The following DACH1 variants were observed in gnomAD, a reference collection of about 807,000 sequenced individuals.
DACH1 encodes the protein dachshund homolog 1.
In DACH1, 12 loss-of-function variants were observed where a neutral mutation model predicts 54.2. The ratio of observed to expected loss-of-function variants is 0.22; its 90% CI spans 0.14 to 0.36. DACH1 has a LOEUF of 0.36. Ranked by LOEUF, DACH1 falls within the 10% of genes least tolerant of loss-of-function variation. The pLI is 1.00. For synonymous variants in DACH1, 386 were observed against 366.2 expected, an observed-to-expected ratio of 1.05 and a Z score of -0.62; for missense variants, 805 against 929.8, an observed-to-expected ratio of 0.87 and a Z score of 1.75.
intron 1 of DACH1, among the ~76,000 whole-genome samples, chr13:71,836,164 CATCTTG>C (rs1290970323): frequency 6.6e-6 from 1 of 151,650 alleles, no homozygotes; most frequent in African/African-American, 2.4e-5. Flanking sequence ...TTCCTTTCAC[CATCTTG>C]AGAAAAAAGG....
chr13:71,555,147 C>T (rs1407511324), intron 6 of DACH1, among the ~76,000 whole-genome samples: 4 of 152,012 alleles, frequency 2.6e-5, no homozygotes, highest in Non-Finnish European at 5.9e-5. Context: ...CCAAGTTAAA[C>T]TTGGTAAATA....
Position 71,597,914 on chromosome 13 carries a change from C to G in DACH1, c.1127-24902G>C, listed in dbSNP as rs1246287898. On this transcript the variant is annotated intron_variant, in intron 3 of 10. Coordinates refer to ENST00000613252, the MANE Select transcript of DACH1 (RefSeq NM_080759.6). ...GGCATATCGCTTGAGCCCAGGAGTTCCAGAGTAGCCTGGGCAACATGGTGA... is the reference window on the plus strand; with the variant it reads ...GGCATATCGCTTGAGCCCAGGAGTTGCAGAGTAGCCTGGGCAACATGGTGA... Among the ~76,000 whole-genome samples, 7 of 151,888 alleles carry G rather than the reference C, an allele frequency of 4.6e-5. 1 individual carries two copies. The highest frequency in any genetic ancestry group is 1.4e-4 in the African/African-American group (6 of 41,436).
chr13:71,441,211 T>C lies in DACH1; in HGVS notation c.2084-519A>G, dbSNP rs117944895. Among the ~76,000 whole-genome samples, 680 of 152,172 alleles carry C rather than the reference T, an allele frequency of 4.5e-3. 4 individuals carry two copies. The highest frequency in any genetic ancestry group is 7.6e-3 in the Non-Finnish European group (516 of 67,910). On this transcript the variant is annotated intron_variant, in intron 10 of 10. Coordinates refer to ENST00000613252, the MANE Select transcript of DACH1 (RefSeq NM_080759.6). Reference sequence around the variant, plus strand: ...TTATTTCATCACTGTCAATGAACTATAGCCTTTACCCCTTGAAGTGAGATT... The same window carrying C: ...TTATTTCATCACTGTCAATGAACTACAGCCTTTACCCCTTGAAGTGAGATT...
At chr13:71,477,032 A>T (rs1877583163) in intron 8 of DACH1, among the ~76,000 whole-genome samples, 1 of 144,872 alleles carries the variant, frequency 6.9e-6, no homozygotes, top group Admixed American at 7.0e-5. Context: ...TAACGACTCA[A>T]GTATTTTAGT....
At chr13:71,565,761 A>G (rs1884859255) in intron 4 of DACH1, among the ~76,000 whole-genome samples, 1 of 152,188 alleles carries the variant, frequency 6.6e-6, no homozygotes. Context: ...ACAACTTAAT[A>G]TAATCTGAAA....
chr13:71,551,117 A>T lies in DACH1; in HGVS notation c.1570+5907T>A, dbSNP rs1003277677. Among the ~76,000 whole-genome samples the T allele has an allele frequency of 5.3e-5, 8 of 152,208 alleles. No individual in the cohort carries two copies. In the East Asian group the frequency reaches 1.4e-3, roughly 26 times the overall value. ...GTAATATTTAGTATTGATTAATTTG[A>T]ATAAGATCTATTTAGAATTTAAAAG... On this transcript the variant is annotated intron_variant, in intron 6 of 10. Transcript: ENST00000613252.
intron 1 of DACH1, among the ~76,000 whole-genome samples, chr13:71,809,145 T>C (rs999518764): frequency 5.3e-5 from 8 of 152,180 alleles, no homozygotes; most frequent in Admixed American, 6.5e-5. Context: ...AAATCTTTCA[T>C]GTGAAAAGGT....
chr13:71,465,252 G>A (rs1852755578), intron 10 of DACH1, among the ~76,000 whole-genome samples: 1 of 151,910 alleles, frequency 6.6e-6, no homozygotes, highest in Non-Finnish European at 1.5e-5. Flanking sequence ...CCATGCATTT[G>A]TATACCAATT....
At chr13:71,454,201 A>G (rs1283491573) in intron 10 of DACH1, among the ~76,000 whole-genome samples, 1 of 152,184 alleles carries the variant, frequency 6.6e-6, no homozygotes, top group African/African-American at 2.4e-5. Flanking sequence ...TTCAAAGACA[A>G]ACATGGACAT....
intron 1 of DACH1, among the ~76,000 whole-genome samples, chr13:71,823,504 G>A (rs930491897): frequency 3.3e-5 from 5 of 151,872 alleles, no homozygotes; most frequent in Non-Finnish European, 5.9e-5. Flanking sequence ...TTTTATTTCT[G>A]GTATTACAAT....
At chr13:71,451,001 A>C (rs1874989837) in intron 10 of DACH1, among the ~76,000 whole-genome samples, 1 of 152,166 alleles carries the variant, frequency 6.6e-6, no homozygotes, top group African/African-American at 2.4e-5. Flanking sequence ...TGTTCTTAAA[A>C]CTGTATTACC....
intron 4 of DACH1, among the ~76,000 whole-genome samples, chr13:71,567,734 A>G (rs1884976593): frequency 6.6e-6 from 1 of 152,056 alleles, no homozygotes; most frequent in Admixed American, 6.6e-5. Context: ...CACTGGTTGG[A>G]GGTGATAAAG....
chr13:71,678,724 A>G, intron 2 of DACH1, among the ~76,000 whole-genome samples: 1 of 151,542 alleles, frequency 6.6e-6, no homozygotes, highest in East Asian at 1.9e-4. Context: ...TGGTACAATC[A>G]TAGCTCACCA....
intron 7 of DACH1, among the ~76,000 whole-genome samples, chr13:71,487,116 G>T (rs1229511110): frequency 6.6e-6 from 1 of 151,992 alleles, no homozygotes; most frequent in African/African-American, 2.4e-5. Flanking sequence ...CTCCCAAAGC[G>T]CTGGGATTAC....
intron 10 of DACH1, among the ~76,000 whole-genome samples, chr13:71,473,046 A>C (rs1212199209): frequency 6.6e-6 from 1 of 152,174 alleles, no homozygotes; most frequent in South Asian, 2.1e-4. Context: ...CTGCTGGTAA[A>C]ATATCTTTTA....
intron 2 of DACH1, among the ~76,000 whole-genome samples, chr13:71,636,555 T>C (rs1475576443): frequency 6.8e-6 from 1 of 147,016 alleles, no homozygotes; most frequent in Admixed American, 6.8e-5. Context: ...GTAAAAATAA[T>C]AATAATAATA....
intron 3 of DACH1, among the ~76,000 whole-genome samples, chr13:71,573,257 A>G (rs1885325987): frequency 1.3e-5 from 2 of 152,164 alleles, no homozygotes; most frequent in South Asian, 4.1e-4. Flanking sequence ...TATTATTCCT[A>G]TAATCAGTCT....
chr13:71,742,106 G>A (rs1029225195), intron 1 of DACH1, among the ~76,000 whole-genome samples: 1 of 152,160 alleles, frequency 6.6e-6, no homozygotes, highest in Non-Finnish European at 1.5e-5. Flanking sequence ...TTTATCAGGG[G>A]TTTCCGCTTT....
intron 1 of DACH1, among the ~76,000 whole-genome samples, chr13:71,760,175 T>C (rs1164550451): frequency 6.6e-6 from 1 of 152,204 alleles, no homozygotes; most frequent in Non-Finnish European, 1.5e-5. Flanking sequence ...ACTGGAGTTC[T>C]CCTCTCAGTC....
Sources: gnomAD v4.1 joint callset for allele counts (sites outside exome capture counted in the v4.1 genomes callset) on GRCh38, gnomAD v4.1.1 for gene constraint, MANE v1.5 for transcripts, NCBI Gene and HGNC (gene_info 2026-07-23, HGNC 2026-07-21) for gene names.